The following MTDH variants were observed in gnomAD, a reference collection of about 807,000 sequenced individuals.
MTDH encodes the protein protein LYRIC.
In MTDH, 34 loss-of-function variants were observed where a neutral mutation model predicts 72.7. That is an observed-to-expected ratio of 0.47 (90% CI 0.36 to 0.62). The LOEUF (loss-of-function observed/expected upper bound fraction) is 0.62. MTDH is among the 20% of genes least tolerant of loss of function. The probability of loss-of-function intolerance (pLI) is 0.00; values close to 1 mark genes in which losing one functional copy is unlikely to be tolerated. For missense variants in MTDH, 677 were observed against 699.4 expected, an observed-to-expected ratio of 0.97 and a Z score of 0.36; for synonymous variants, 266 against 268.9, an observed-to-expected ratio of 0.99 and a Z score of 0.10.
intron 1 of MTDH, among the ~76,000 whole-genome samples, chr8:97,645,384 T>C (rs1811528006): frequency 6.6e-6 from 1 of 152,216 alleles, no homozygotes; most frequent in Admixed American, 6.5e-5. Flanking sequence ...GGATTAAAGG[T>C]GTCCAGGTCT....
At chr8:97,672,935 T>G (rs1812687509) in intron 2 of MTDH, among the ~76,000 whole-genome samples, 1 of 152,152 alleles carries the variant, frequency 6.6e-6, no homozygotes, top group Non-Finnish European at 1.5e-5. Flanking sequence ...AATAATTTAA[T>G]GACTTGGACG....
At chr8:97,657,170 T>A (rs183076538) in intron 1 of MTDH, among the ~76,000 whole-genome samples, 35 of 152,182 alleles carry the variant, frequency 2.3e-4, no homozygotes, top group African/African-American at 7.2e-4. Context: ...AAAAGAAAGA[T>A]CCAGGTGTGG....
At chr8:97,692,161 C>T (rs992962948) in intron 6 of MTDH, among the ~76,000 whole-genome samples, 12 of 152,038 alleles carry the variant, frequency 7.9e-5, no homozygotes, top group Admixed American at 3.3e-4. Flanking sequence ...GATTTACAGG[C>T]GTGCGCCATC....
chr8:97,686,669 CAAAG>C lies in MTDH; in HGVS notation c.489_492del (p.Lys164IlefsTer47). ...AGTAACATTCTATTTTACTTTCAGT[CAAAG>C]AAAAATAAGAAGAAATCAAAGTCAG... On this transcript the variant is annotated frameshift_variant and splice_region_variant, in exon 3 of 12. Transcript: ENST00000336273. LOFTEE classifies it high-confidence loss of function. 6.5e-7 allele frequency: 1 copy of C among 1,548,924 alleles called. No homozygotes were observed.
At chr8:97,685,372 G>T (rs191301700) in intron 2 of MTDH, among the ~76,000 whole-genome samples, 1 of 152,168 alleles carries the variant, frequency 6.6e-6, no homozygotes. Flanking sequence ...GTAATCTCTT[G>T]TCAAAGACAA....
chr8:97,689,052 A>G lies in MTDH; in HGVS notation c.760A>G (p.Asn254Asp). The change falls in exon 5 of 12, where the codon AAT becomes GAT. Residue 254 changes from asparagine (N) to aspartate (D), a missense_variant. By Grantham distance (23) the Asn-to-Asp change is conservative (BLOSUM62 1). Transcript: ENST00000336273. ...ATTTTAACCAGGTGATTCTCATCTAAATGTTCAAGTTAGCAACTTTAAATC... is the reference window on the plus strand; with the variant it reads ...ATTTTAACCAGGTGATTCTCATCTAGATGTTCAAGTTAGCAACTTTAAATC... ...SKKNKGDSHL[N>D]VQVSNFKSGK... is the part of the protein sequence containing the mutation. The G allele has an allele frequency of 8.3e-6, 13 of 1,575,426 alleles. No homozygotes were observed. Among genetic ancestry groups the G allele is most frequent in the Non-Finnish European group, 1.1e-5 (13 of 1,151,584 alleles).
intron 9 of MTDH, among the ~76,000 whole-genome samples, chr8:97,718,403 C>G (rs1814962937): frequency 6.6e-6 from 1 of 152,174 alleles, no homozygotes; most frequent in Non-Finnish European, 1.5e-5. Context: ...TGTCTATACC[C>G]TTTCTACTAT....
intron 2 of MTDH, among the ~76,000 whole-genome samples, chr8:97,683,407 T>G (rs1463152977): frequency 1.3e-5 from 2 of 151,356 alleles, no homozygotes; most frequent in Non-Finnish European, 2.9e-5. Flanking sequence ...TTTTTTGGAG[T>G]TTTTTTGAGA....
At chr8:97,689,830 C>T (rs1025310658) in intron 5 of MTDH, among the ~76,000 whole-genome samples, 8 of 150,992 alleles carry the variant, frequency 5.3e-5, no homozygotes, top group African/African-American at 1.9e-4. Context: ...GCCTCAGCCT[C>T]CCGAGTAGCA....
chr8:97,711,559 A>G (rs985413754), intron 8 of MTDH, among the ~76,000 whole-genome samples: 1 of 152,024 alleles, frequency 6.6e-6, no homozygotes, highest in African/African-American at 2.4e-5. Flanking sequence ...AGTTTTCCCC[A>G]GTGGTAACAT....
chr8:97,696,253 T>G (rs969802056), intron 6 of MTDH: 5 of 985,296 alleles, frequency 5.1e-6, no homozygotes, highest in South Asian at 9.4e-5. Flanking sequence ...AACAGAATTC[T>G]GCTTCTTTTG....
intron 8 of MTDH, among the ~76,000 whole-genome samples, chr8:97,710,698 A>G (rs1388060151): frequency 6.7e-6 from 1 of 150,314 alleles, no homozygotes; most frequent in Non-Finnish European, 1.5e-5. Flanking sequence ...AAAAAAAAAA[A>G]AAAAAAAAAA....
chr8:97,646,592 G>A (rs111540715), intron 1 of MTDH, among the ~76,000 whole-genome samples: 6 of 152,244 alleles, frequency 3.9e-5, no homozygotes, highest in South Asian at 2.1e-4. Flanking sequence ...GAGAGAGACA[G>A]GTTCTCCAAG....
intron 3 of MTDH, among the ~76,000 whole-genome samples, chr8:97,686,966 A>G (rs1363002168): frequency 6.6e-6 from 1 of 152,114 alleles, no homozygotes; most frequent in Non-Finnish European, 1.5e-5. Flanking sequence ...CCTGAAATTT[A>G]AAGTCAAGCT....
At chr8:97,708,673 C>G (rs1814486221) in intron 8 of MTDH, among the ~76,000 whole-genome samples, 1 of 128,986 alleles carries the variant, frequency 7.8e-6, no homozygotes, top group Admixed American at 8.4e-5. Context: ...GATCTCGGCT[C>G]TCTGCAACCT....
chr8:97,719,027 A>T (rs372948579), intron 9 of MTDH, 22 bp from the exon 10 acceptor site: 1 of 1,566,366 alleles, frequency 6.4e-7, no homozygotes. Flanking sequence ...TATATAATCT[A>T]ATAGGTTATT....
intron 6 of MTDH, among the ~76,000 whole-genome samples, chr8:97,693,112 A>G (rs948221028): frequency 6.6e-6 from 1 of 152,294 alleles, no homozygotes; most frequent in South Asian, 2.1e-4. Flanking sequence ...GTAATGCTCT[A>G]CTACATAGTG....
intron 1 of MTDH, among the ~76,000 whole-genome samples, chr8:97,654,202 G>C (rs1296866682): frequency 6.6e-6 from 1 of 152,190 alleles, no homozygotes; most frequent in Admixed American, 6.5e-5. Flanking sequence ...GGTTATATTT[G>C]TAAGATTGTT....
At chr8:97,722,748 AGT>A (rs1815178571) in intron 10 of MTDH, 129 bp from the exon 11 acceptor site, 1 of 750,070 alleles carries the variant, frequency 1.3e-6, no homozygotes, top group South Asian at 2.4e-5. Context: ...GGCAGGTATG[AGT>A]TACATTGTTT....
Sources: allele counts gnomAD v4.1 joint callset (sites outside exome capture counted in the v4.1 genomes callset), GRCh38; gene constraint gnomAD v4.1.1; transcripts MANE v1.5; gene names NCBI Gene and HGNC (gene_info 2026-07-23, HGNC 2026-07-21).